The following OR3A2 variants were observed in gnomAD, a reference collection of about 807,000 sequenced individuals.
OR3A2 encodes the protein olfactory receptor 3A2.
For missense variants in OR3A2, 318 were observed against 392.8 expected (o/e 0.81, Z 1.61); for synonymous variants, 126 against 159.3 (o/e 0.79, Z 1.57).
At position 3,322,527 on chromosome 17, in the gene OR3A2, T is replaced by C. The variant is rs1296868275; in HGVS notation, c.-85+13506A>G. On this transcript the variant is annotated intron_variant, in intron 3 of 4. Coordinates refer to the OR3A2 transcript ENST00000573491. ...GGCATTTAGTGCTATAAACTTCCCT[T>C]TACACACTGCTTTGAATGTGTCCCA... Among the ~76,000 whole-genome samples the C allele has an allele frequency of 3.3e-5, 5 of 152,266 alleles. No homozygotes were observed. The East Asian group carries it at 5.8e-4, about 18-fold the overall frequency.
chr17:3,332,388 G>A (rs1158764980), intron 3 of OR3A2, among the ~76,000 whole-genome samples: 2 of 152,228 alleles, frequency 1.3e-5, no homozygotes, highest in African/African-American at 2.4e-5. Context: ...GACCCTCCGA[G>A]CCAGGTGCAG....
chr17:3,309,778 C>T (rs753386475), intron 3 of OR3A2, among the ~76,000 whole-genome samples: 2 of 152,040 alleles, frequency 1.3e-5, no homozygotes, highest in Non-Finnish European at 2.9e-5. Flanking sequence ...CTCATGGCCT[C>T]GCATGTTAAT....
intron 3 of OR3A2, chr17:3,310,270 C>G (rs777675946): frequency 1.6e-5 from 8 of 499,918 alleles, no homozygotes; most frequent in South Asian, 1.2e-4. Flanking sequence ...ACCACCGGCC[C>G]CATCTAACAC....
At chr17:3,310,830 C>T (rs769994852) in intron 3 of OR3A2, 6 of 1,020,104 alleles carry the variant, frequency 5.9e-6, no homozygotes, top group Non-Finnish European at 8.6e-6. Flanking sequence ...CTTCTGTGGC[C>T]CCAATGTGAT....
At chr17:3,292,168 T>G (rs1216241769) in intron 3 of OR3A2, 1 of 1,614,110 alleles carries the variant, frequency 6.2e-7, no homozygotes, top group Non-Finnish European at 8.5e-7. Context: ...GTCTGACTCA[T>G]GCGGGTGCTG....
chr17:3,315,794 C>A, intron 3 of OR3A2, among the ~76,000 whole-genome samples: 1 of 146,436 alleles, frequency 6.8e-6, no homozygotes, highest in Admixed American at 7.1e-5. Flanking sequence ...GATGAGTCTA[C>A]TATAGTGTTT....
upstream of OR3A2, among the ~76,000 whole-genome samples, chr17:3,288,579 A>C (rs2676603): frequency 2.4e-3 from 371 of 152,346 alleles, 1 homozygote; most frequent in African/African-American, 8.4e-3. Context: ...AACCACACCC[A>C]TAATCAAAGA....
upstream of OR3A2, among the ~76,000 whole-genome samples, chr17:3,287,978 G>A (rs1194027905): frequency 1.3e-5 from 2 of 151,278 alleles, no homozygotes; most frequent in Admixed American, 1.3e-4. Context: ...GACTTAAAAA[G>A]AAATGTAAAA....
rs1399193473 is a variant in OR3A2 at position 3,311,117 on chromosome 17, G to A, written c.-85+24916C>T. On this transcript the variant is annotated intron_variant, in intron 3 of 4. Transcript: ENST00000573491. The surrounding 1 kb of genome is among the most constrained non-coding windows in gnomAD (Gnocchi z 4.6). ...GCTACACAAGGCTGGGTTCAGTGGA[G>A]TCTTCGGACAAGGACAAGGGCATTG... The A allele has an allele frequency of 3.7e-6, 2 of 541,930 alleles. No individual in the cohort carries two copies. The highest frequency in any genetic ancestry group is 7.6e-6 in the Non-Finnish European group (2 of 264,666). The allele number at this position is 541,930 out of a possible 1,614,324, so 33.6% of individuals were successfully genotyped here. A position where few individuals can be genotyped will look rare whatever the true frequency, so the allele number is the denominator to read the frequency against.
At chr17:3,288,246 CA>C, upstream of OR3A2, among the ~76,000 whole-genome samples, 1,291 of 73,454 alleles carry the variant, frequency 0.018, 13 homozygotes, top group African/African-American at 0.033. Context: ...ACCAAAAGGG[CA>C]AAAAAAAAAA....
At chr17:3,288,401 C>T (rs1383116566), upstream of OR3A2, among the ~76,000 whole-genome samples, 1 of 152,112 alleles carries the variant, frequency 6.6e-6, no homozygotes, top group East Asian at 1.9e-4. Flanking sequence ...TATTAACAGG[C>T]TATTTCATAT....
chr17:3,276,206 T>C (rs2048734225), downstream of OR3A2, among the ~76,000 whole-genome samples: 1 of 151,392 alleles, frequency 6.6e-6, no homozygotes, highest in Non-Finnish European at 1.5e-5. Flanking sequence ...ATGAAAGAAA[T>C]TGTGACTTAC....
intron 2 of OR3A2, among the ~76,000 whole-genome samples, chr17:3,383,547 T>TG (rs1891311552): frequency 6.6e-6 from 1 of 152,176 alleles, no homozygotes; most frequent in African/African-American, 2.4e-5. Context: ...CTAAAGCTAG[T>TG]GCTCTTCTCA....
chr17:3,312,869 CCG>C (rs2049055334), intron 3 of OR3A2, among the ~76,000 whole-genome samples: 1 of 152,158 alleles, frequency 6.6e-6, no homozygotes, highest in African/African-American at 2.4e-5. Flanking sequence ...TGTGATCCAC[CCG>C]CCTCAGTCTC....
intron 2 of OR3A2, among the ~76,000 whole-genome samples, chr17:3,342,099 C>T (rs181754749): frequency 1.1e-4 from 17 of 152,126 alleles, no homozygotes; most frequent in Middle Eastern, 3.4e-3. Context: ...TCTTGTGTCA[C>T]GGTTTTCAGC....
At chr17:3,378,920 T>C (rs1214979925) in intron 2 of OR3A2, among the ~76,000 whole-genome samples, 5 of 152,252 alleles carry the variant, frequency 3.3e-5, no homozygotes, top group Admixed American at 2.6e-4. Context: ...CTCAAAACTT[T>C]ATACCCTCAA....
chr17:3,343,680 G>T (rs2049339512), intron 2 of OR3A2, among the ~76,000 whole-genome samples: 1 of 152,062 alleles, frequency 6.6e-6, no homozygotes, highest in African/African-American at 2.4e-5. Context: ...AAGTTTGGAG[G>T]GAGTACACCC....
intron 2 of OR3A2, among the ~76,000 whole-genome samples, chr17:3,345,538 A>G (rs530304093): frequency 6.6e-5 from 10 of 151,746 alleles, no homozygotes; most frequent in East Asian, 5.8e-4. Flanking sequence ...GAAATAAAAT[A>G]AGAAGAGCCC....
intron 2 of OR3A2, among the ~76,000 whole-genome samples, chr17:3,364,388 T>C (rs1244268126): frequency 2.0e-5 from 3 of 152,202 alleles, no homozygotes; most frequent in Non-Finnish European, 4.4e-5. Flanking sequence ...TTTTGAAACA[T>C]ACAATATGCT....
Sources: allele counts gnomAD v4.1 joint callset (sites outside exome capture counted in the v4.1 genomes callset), GRCh38; gene constraint gnomAD v4.1.1; non-coding constraint Gnocchi (gnomAD v3.1); transcripts MANE v1.5; gene names NCBI Gene and HGNC (gene_info 2026-07-23, HGNC 2026-07-21).